The following CTNNA2 variants were observed in gnomAD, a reference collection of about 807,000 sequenced individuals.
The protein encoded by CTNNA2 is catenin alpha 2.
In CTNNA2, 42 loss-of-function variants were observed where a neutral mutation model predicts 101.0. That is an observed-to-expected ratio of 0.42 (90% confidence interval 0.32 to 0.54). The LOEUF is 0.54. Ranked by LOEUF, CTNNA2 falls within the 20% of genes least tolerant of loss-of-function variation. The pLI, the probability that CTNNA2 is intolerant of heterozygous loss-of-function variation, is 0.14. For missense variants in CTNNA2, 871 were observed against 1,223.1 expected (o/e 0.71, Z 4.29); for synonymous variants, 450 against 456.4 (o/e 0.99, Z 0.18).
chr2:80,477,619 T>A (rs903629898), intron 9 of CTNNA2, among the ~76,000 whole-genome samples: 5 of 152,094 alleles, frequency 3.3e-5, no homozygotes, highest in Non-Finnish European at 7.4e-5. Context: ...TTTGATTTTC[T>A]GCTTCTGCAT....
chr2:79,786,079 A>T (rs1475404386), intron 3 of CTNNA2, among the ~76,000 whole-genome samples: 1 of 152,168 alleles, frequency 6.6e-6, no homozygotes, highest in East Asian at 1.9e-4. Context: ...TGATTGGAAG[A>T]GGTCTTATCC....
chr2:80,319,222 A>T (rs1678442110), intron 7 of CTNNA2, among the ~76,000 whole-genome samples: 1 of 152,192 alleles, frequency 6.6e-6, no homozygotes, highest in Admixed American at 6.5e-5. Flanking sequence ...TAAATTCATC[A>T]ACTACTTTTA....
chr2:79,881,530 C>G (rs960709604), intron 6 of CTNNA2, among the ~76,000 whole-genome samples: 2 of 152,070 alleles, frequency 1.3e-5, no homozygotes, highest in African/African-American at 4.8e-5. Context: ...GAATAGTTAG[C>G]TTTTCTTGTT....
chr2:79,990,768 G>T (rs1692116753), intron 7 of CTNNA2, among the ~76,000 whole-genome samples: 2 of 152,070 alleles, frequency 1.3e-5, no homozygotes, highest in African/African-American at 4.8e-5. Context: ...GCCAGGCTTT[G>T]GTATCAGGAT....
chr2:79,319,561 TA>T (rs66938459), intron 3 of CTNNA2, among the ~76,000 whole-genome samples: 26 of 149,440 alleles, frequency 1.7e-4, no homozygotes, highest in African/African-American at 3.7e-4. Flanking sequence ...GTAATTTATT[TA>T]AAAAAAAAAG....
At chr2:80,128,065 C>T (rs1702230581) in intron 7 of CTNNA2, among the ~76,000 whole-genome samples, 1 of 151,840 alleles carries the variant, frequency 6.6e-6, no homozygotes, top group African/African-American at 2.4e-5. Flanking sequence ...TCAGATTCTT[C>T]TCGGGGGCAA....
chr2:79,895,853 A>G (rs952243755), intron 6 of CTNNA2, among the ~76,000 whole-genome samples: 21 of 152,188 alleles, frequency 1.4e-4, no homozygotes, highest in African/African-American at 4.1e-4. Context: ...TTAAGACCAT[A>G]TAAAAATGGG....
At chr2:80,578,217 A>T (rs62150756) in intron 13 of CTNNA2, among the ~76,000 whole-genome samples, 3,431 of 150,144 alleles carry the variant, frequency 0.023, 47 homozygotes, top group Non-Finnish European at 0.029. Flanking sequence ...GATATGACCC[A>T]CTTCCATAAC....
chr2:79,270,353 TC>T (rs1471125880), intron 2 of CTNNA2, among the ~76,000 whole-genome samples: 3 of 152,152 alleles, frequency 2.0e-5, no homozygotes, highest in Admixed American at 6.6e-5. Flanking sequence ...TCCTTTTTTT[TC>T]TGATGTGCAA....
At chr2:80,219,445 A>G (rs1271977238) in intron 7 of CTNNA2, among the ~76,000 whole-genome samples, 2 of 152,160 alleles carry the variant, frequency 1.3e-5, no homozygotes, top group Non-Finnish European at 2.9e-5. Context: ...TTCACATTTG[A>G]TTCAACCTCT....
intron 1 of CTNNA2, among the ~76,000 whole-genome samples, chr2:79,518,927 G>T (rs571690318): frequency 1.4e-4 from 21 of 151,548 alleles, no homozygotes; most frequent in African/African-American, 4.8e-4. Context: ...GTGTATACAA[G>T]ACTCAAATTT....
At chr2:79,324,255 G>A (rs1573078081) in intron 3 of CTNNA2, among the ~76,000 whole-genome samples, 1 of 152,208 alleles carries the variant, frequency 6.6e-6, no homozygotes, top group African/African-American at 2.4e-5. Context: ...CTGGAGGCAG[G>A]GTAGCAGCTT....
At chr2:80,382,321 A>G (rs1192315561) in intron 7 of CTNNA2, among the ~76,000 whole-genome samples, 1 of 152,038 alleles carries the variant, frequency 6.6e-6, no homozygotes, top group Non-Finnish European at 1.5e-5. Flanking sequence ...TAATGGTCTG[A>G]CACTTTCCTA....
chr2:80,151,196 A>G (rs1409708601), intron 7 of CTNNA2, among the ~76,000 whole-genome samples: 1 of 152,078 alleles, frequency 6.6e-6, no homozygotes, highest in Non-Finnish European at 1.5e-5. Flanking sequence ...TGGTCTATTT[A>G]TATTTCCCCT....
At chr2:80,174,025 A>G (rs1382586754) in intron 7 of CTNNA2, among the ~76,000 whole-genome samples, 1 of 152,212 alleles carries the variant, frequency 6.6e-6, no homozygotes, top group Non-Finnish European at 1.5e-5. Flanking sequence ...CACAACAAGT[A>G]ATTAAGGGCA....
intron 7 of CTNNA2, among the ~76,000 whole-genome samples, chr2:80,341,556 G>C (rs1223696907): frequency 3.3e-5 from 5 of 152,152 alleles, no homozygotes; most frequent in Non-Finnish European, 7.3e-5. Flanking sequence ...AAACCATAGT[G>C]AGATTCTACT....
chr2:80,037,519 G>A (rs979291762), intron 7 of CTNNA2, among the ~76,000 whole-genome samples: 1 of 152,178 alleles, frequency 6.6e-6, no homozygotes, highest in African/African-American at 2.4e-5. Context: ...TTAATAGCTT[G>A]ATAATGTGAC....
chr2:79,921,021 C>G (rs567436762), intron 7 of CTNNA2, among the ~76,000 whole-genome samples: 1 of 152,316 alleles, frequency 6.6e-6, no homozygotes, highest in South Asian at 2.1e-4. Context: ...CTTAACTCAT[C>G]ACTTCCTAAA....
chr2:80,234,373 T>A (rs1277377158), intron 7 of CTNNA2, among the ~76,000 whole-genome samples: 2 of 152,210 alleles, frequency 1.3e-5, no homozygotes, highest in African/African-American at 4.8e-5. Flanking sequence ...AAGGTATTAA[T>A]CTTCGTAGAA....
Sources: gnomAD v4.1 joint callset for allele counts (sites outside exome capture counted in the v4.1 genomes callset) on GRCh38, gnomAD v4.1.1 for gene constraint, MANE v1.5 for transcripts, NCBI Gene and HGNC (gene_info 2026-07-23, HGNC 2026-07-21) for gene names.